The following GAPVD1 variants were observed in gnomAD, a reference collection of about 807,000 sequenced individuals.
GAPVD1 encodes GTPase activating protein and VPS9 domains 1, also known as GTPase-activating protein and VPS9 domain-containing protein 1.
A neutral mutation model predicts 155.5 loss-of-function variants in GAPVD1; 35 were observed. The ratio of observed to expected loss-of-function variants is 0.23; its 90% confidence interval spans 0.17 to 0.30. The LOEUF (loss-of-function observed/expected upper bound fraction) is 0.30. GAPVD1 is among the 10% of genes least tolerant of loss of function. The pLI, the probability that GAPVD1 is intolerant of heterozygous loss-of-function variation, is 1.00. For missense variants in GAPVD1, 1,429 were observed against 1,775.7 expected, an observed-to-expected ratio of 0.80 and a Z score of 3.51; for synonymous variants, 636 against 619.7, an observed-to-expected ratio of 1.03 and a Z score of -0.39.
intron 1 of GAPVD1, among the ~76,000 whole-genome samples, chr9:125,262,244 G>T (rs996058424): frequency 6.6e-6 from 1 of 152,160 alleles, no homozygotes; most frequent in South Asian, 2.1e-4. Flanking sequence ...CAGGAGGACC[G>T]CGGGGCGGCC....
chr9:125,331,686 A>G (rs1178622694), intron 13 of GAPVD1, among the ~76,000 whole-genome samples: 1 of 152,226 alleles, frequency 6.6e-6, no homozygotes, highest in Admixed American at 6.5e-5. Flanking sequence ...ATACTCTGTG[A>G]CATTAGTGAT....
chr9:125,350,272 T>C lies in GAPVD1; in HGVS notation c.3300-23T>C, dbSNP rs764844130. 3.1e-6 allele frequency: 4 copies of C among 1,309,052 alleles called. No individual in the cohort carries two copies. The Admixed American group carries it at 8.4e-5, about 28-fold the overall frequency. The allele number at this position is 1,309,052 out of a possible 1,614,324, so 81.1% of individuals were successfully genotyped here. A position where few individuals can be genotyped will look rare whatever the true frequency, so the allele number is the denominator to read the frequency against. On this transcript the variant is annotated intron_variant, in intron 21 of 27. Transcript: ENST00000297933. Reference sequence around the variant, plus strand: ...GACCATATCTGGATAAAGAAATTAATGTATTTTCTACTCATTTTTCAGAGA... The same window carrying C: ...GACCATATCTGGATAAAGAAATTAACGTATTTTCTACTCATTTTTCAGAGA...
chr9:125,305,298 T>C (rs1564347157), intron 6 of GAPVD1, 149 bp downstream of exon 6: 1 of 577,606 alleles, frequency 1.7e-6, no homozygotes, highest in South Asian at 2.2e-5. Flanking sequence ...AGATGATTAA[T>C]TCCCACAGAT....
At position 125,305,090 on chromosome 9, in the gene GAPVD1, A is replaced by T. The variant is rs773770008; in HGVS notation, c.1057A>T (p.Met353Leu). 2 of 1,614,062 alleles carry T rather than the reference A, an allele frequency of 1.2e-6. No homozygotes were observed. The highest frequency in any genetic ancestry group is 1.7e-5 in the Admixed American group (1 of 60,014). The change falls in exon 6 of 28, where the codon ATG becomes TTG. Residue 353 changes from methionine to leucine, a missense_variant. Around this residue, in one of 4 missense-constraint regions of GAPVD1, gnomAD observed 628 missense variants for 733.4 expected, o/e 0.86. Transcript: ENST00000297933. Reference protein sequence around the residue: ...QVGRLLQQLAMTGSEEGDPRT... With the variant: ...QVGRLLQQLALTGSEEGDPRT... Reference sequence around the variant, plus strand: ...AGGCCGCCTTTTGCAGCAGTTAGCAATGACTGGCTCTGAAGAGGGAGATCC... The same window carrying T: ...AGGCCGCCTTTTGCAGCAGTTAGCATTGACTGGCTCTGAAGAGGGAGATCC...
In GAPVD1 at chr9:125,312,662, A is replaced by T. The variant is rs563369765; in HGVS notation, c.1602+50A>T. The T allele has an allele frequency of 3.6e-6, 5 of 1,380,576 alleles. No homozygotes were observed. In the East Asian group the frequency reaches 7.4e-5, roughly 20 times the overall value. The allele number at this position is 1,380,576 out of a possible 1,614,324, so 85.5% of individuals were successfully genotyped here. The stretch of plus-strand genomic sequence containing the variant: ...TCAATATTCATGTCTTAGTCCATAC[A>T]GGCTGCTGTAACAAAACACCAGAGG... On this transcript the variant is annotated intron_variant, in intron 9 of 27. Transcript: ENST00000297933.
In GAPVD1 at chr9:125,366,986, A is replaced by C. The variant is rs905583443; in HGVS notation, c.*4240A>C. On this transcript the variant is annotated 3_prime_UTR_variant, in exon 28 of 28. Coordinates refer to ENST00000297933, the MANE Select transcript of GAPVD1 (RefSeq NM_001282680.3). ...GCACTAGGGGAATTCACCTCTGTCA[A>C]ATTAATACTCTCCTGTCTACTGGAT... 12 of 152,162 alleles carry C rather than the reference A, an allele frequency of 7.9e-5. No individual in the cohort carries two copies. The highest frequency in any genetic ancestry group is 6.5e-4 in the Admixed American group (10 of 15,278). 9.4% of individuals were successfully genotyped at this position (152,162 alleles called of 1,614,324 possible). A position where few individuals can be genotyped will look rare whatever the true frequency, so the allele number is the denominator to read the frequency against.
chr9:125,265,584 G>T lies in GAPVD1; in HGVS notation c.-198-3352G>T, dbSNP rs554079940. Among the ~76,000 whole-genome samples, 6 of 146,858 alleles carry T rather than the reference G, an allele frequency of 4.1e-5. 1 individual carries two copies. In the South Asian group the frequency reaches 9.0e-4, roughly 22 times the overall value. On this transcript the variant is annotated intron_variant, in intron 1 of 27. Coordinates refer to ENST00000297933, the MANE Select transcript of GAPVD1 (RefSeq NM_001282680.3). The stretch of plus-strand genomic sequence containing the variant: ...GTGCCACGATGGCTGGCTAATTTTT[G>T]TATTTTTTTGTAGAGACGGGGTTTC...
chr9:125,319,664 C>T (rs2131455409), intron 9 of GAPVD1, among the ~76,000 whole-genome samples: 1 of 148,650 alleles, frequency 6.7e-6, no homozygotes, highest in African/African-American at 2.5e-5. Flanking sequence ...TGCAGTGGTG[C>T]AATCTCAGCT....
At chr9:125,281,544 C>G (rs1461566880) in intron 2 of GAPVD1, among the ~76,000 whole-genome samples, 2 of 152,102 alleles carry the variant, frequency 1.3e-5, no homozygotes, top group Non-Finnish European at 2.9e-5. Flanking sequence ...TTATTAACAT[C>G]TTATATTAGC....
chr9:125,343,726 G>C (rs531545688), intron 19 of GAPVD1, among the ~76,000 whole-genome samples: 1 of 152,208 alleles, frequency 6.6e-6, no homozygotes, highest in African/African-American at 2.4e-5. Flanking sequence ...TGGGTATTAA[G>C]TCAAATCACA....
rs758299702 is a variant in GAPVD1 at position 125,348,161 on chromosome 9, TCCTC to T, written c.3169+1223_3170-1223del. Reference sequence around the variant, plus strand: ...CCTCAACCTTCCCAGGCTAAAGTGATCCTCCCATCTCAGCTTCCTGAGTAGCTGG... The same window carrying T: ...CCTCAACCTTCCCAGGCTAAAGTGATCCATCTCAGCTTCCTGAGTAGCTGG... On this transcript the variant is annotated intron_variant, in intron 20 of 27. Coordinates refer to ENST00000297933, the MANE Select transcript of GAPVD1 (RefSeq NM_001282680.3). Among the ~76,000 whole-genome samples the T allele has an allele frequency of 7.9e-5, 12 of 152,192 alleles. No individual in the cohort carries two copies. In the South Asian group the frequency reaches 2.1e-3, roughly 26 times the overall value.
intron 1 of GAPVD1, among the ~76,000 whole-genome samples, chr9:125,265,081 T>C (rs1364273372): frequency 2.0e-5 from 3 of 152,172 alleles, no homozygotes; most frequent in African/African-American, 7.2e-5. Flanking sequence ...TTTGTGAGCA[T>C]TTGGTTTCAT....
rs1851412728 is a variant in GAPVD1 at position 125,365,381 on chromosome 9, T to C, written c.*2635T>C. ...GTTCCCCAAATGTTTCTTCCTCCACTGCCTTCCAGTACTTTCTTTACATGA... is the reference window on the plus strand; with the variant it reads ...GTTCCCCAAATGTTTCTTCCTCCACCGCCTTCCAGTACTTTCTTTACATGA... On this transcript the variant is annotated 3_prime_UTR_variant, in exon 28 of 28. Coordinates refer to ENST00000297933, the MANE Select transcript of GAPVD1 (RefSeq NM_001282680.3). 1 of 151,916 alleles carries C rather than the reference T, an allele frequency of 6.6e-6. No homozygotes were observed. The highest frequency in any genetic ancestry group is 1.5e-5 in the Non-Finnish European group (1 of 67,992). 9.4% of individuals were successfully genotyped at this position (151,916 alleles called of 1,614,324 possible).
At chr9:125,340,544 T>C (rs1847704582) in intron 17 of GAPVD1, among the ~76,000 whole-genome samples, 1 of 152,188 alleles carries the variant, frequency 6.6e-6, no homozygotes, top group Admixed American at 6.5e-5. Flanking sequence ...AATGAGATTA[T>C]ACATATCCTT....
intron 15 of GAPVD1, among the ~76,000 whole-genome samples, chr9:125,336,132 A>C (rs1360502022): frequency 6.6e-6 from 1 of 150,912 alleles, no homozygotes; most frequent in East Asian, 1.9e-4. Context: ...GTGACAGAGC[A>C]AGACTTTGTC....
At chr9:125,323,153 C>G (rs1844628765) in intron 10 of GAPVD1, among the ~76,000 whole-genome samples, 1 of 151,620 alleles carries the variant, frequency 6.6e-6, no homozygotes, top group Non-Finnish European at 1.5e-5. Flanking sequence ...GTTGCCCAGG[C>G]TGGAGTGCAA....
chr9:125,314,870 G>A (rs1041905842), intron 9 of GAPVD1, among the ~76,000 whole-genome samples: 2 of 149,654 alleles, frequency 1.3e-5, no homozygotes, highest in African/African-American at 4.9e-5. Context: ...TCACTGCGAG[G>A]TCCACCTCCC....
intron 19 of GAPVD1, among the ~76,000 whole-genome samples, chr9:125,344,125 CTT>C (rs1381744446): frequency 3.7e-4 from 56 of 152,254 alleles, no homozygotes; most frequent in Admixed American, 3.5e-3. Context: ...CTACCCAGTC[CTT>C]ATTAATGACT....
At position 125,332,585 on chromosome 9, in the gene GAPVD1, G is replaced by T; in HGVS notation, c.2384G>T (p.Gly795Val). 5.6e-6 allele frequency: 9 copies of T among 1,608,756 alleles called. No homozygotes were observed. The highest frequency in any genetic ancestry group is 7.7e-6 in the Non-Finnish European group (9 of 1,175,668). Residue 795 changes from glycine (G) to valine (V), a missense_variant, in exon 15 of 28, where the codon GGT becomes GTT. Coordinates refer to ENST00000297933, the MANE Select transcript of GAPVD1 (RefSeq NM_001282680.3). ...TCTGAGTGCAGCTCTGATTTTGGGG[G>T]TAAAGATTCTGTCACTAGTCCAGAC... Reference protein sequence around the residue: ...LRSECSSDFGGKDSVTSPDMD... With the variant: ...LRSECSSDFGVKDSVTSPDMD...
Sources: gnomAD v4.1 joint callset for allele counts (sites outside exome capture counted in the v4.1 genomes callset) on GRCh38, gnomAD v4.1.1 for gene constraint, gnomAD v4.1.1 regional missense constraint, MANE v1.5 for transcripts, NCBI Gene and HGNC (gene_info 2026-07-23, HGNC 2026-07-21) for gene names.